Variants in OTUD7A observed in about 807,000 individuals in gnomAD.
OTUD7A encodes OTU domain-containing protein 7A.
OTUD7A carries 12 observed loss-of-function variants against 65.7 expected under a neutral mutation model. The ratio of observed to expected loss-of-function variants is 0.18; its 90% confidence interval spans 0.12 to 0.30. The LOEUF (loss-of-function observed/expected upper bound fraction) is 0.30, where lower values mean the gene tolerates loss of function less well. Ranked by LOEUF, OTUD7A falls within the 10% of genes least tolerant of loss-of-function variation. The probability of loss-of-function intolerance (pLI) is 1.00; values close to 1 mark genes in which losing one functional copy is unlikely to be tolerated. For missense variants in OTUD7A, 1,148 were observed against 1,304.8 expected, an observed-to-expected ratio of 0.88 and a Z score of 1.85; for synonymous variants, 641 against 586.3, an observed-to-expected ratio of 1.09 and a Z score of -1.35.
intron 3 of OTUD7A, among the ~76,000 whole-genome samples, chr15:31,585,385 AACAG>A (rs897162238): frequency 1.3e-4 from 20 of 152,230 alleles, no homozygotes; most frequent in African/African-American, 4.6e-4. Context: ...TGCGAGCAGA[AACAG>A]ACAGCTTCTG....
At chr15:31,529,910 G>A (rs572963852) in intron 6 of OTUD7A, among the ~76,000 whole-genome samples, 2 of 152,276 alleles carry the variant, frequency 1.3e-5, no homozygotes, top group African/African-American at 4.8e-5. Context: ...AGAACCAACC[G>A]GCCCTGATGG....
Position 31,487,221 on chromosome 15 carries a change from C to T in OTUD7A, c.1344G>A (p.Thr448=), listed in dbSNP as rs950157655. The change falls in exon 12 of 13, where the codon ACG becomes ACA. Residue 448 remains threonine, a synonymous_variant. Coordinates refer to ENST00000307050, the MANE Select transcript of OTUD7A (RefSeq NM_001382637.1). This position sits in a 1 kb window ranked among gnomAD's most constrained non-coding sequence, Gnocchi z 6.0. Reference sequence around the variant, plus strand: ...GTGTCTCGGAGGGGATCCGGATCCACGTCACGTTCATGTAGCTGTGCAGAA... The same window carrying T: ...GTGTCTCGGAGGGGATCCGGATCCATGTCACGTTCATGTAGCTGTGCAGAA... The part of the protein sequence containing the change: ...LNLLHSYMNV[T]WIRIPSETRA... The T allele has an allele frequency of 1.2e-5, 19 of 1,613,854 alleles. No homozygotes were observed. Among genetic ancestry groups the T allele is most frequent in the African/African-American group, 9.3e-5 (7 of 74,880 alleles).
intron 5 of OTUD7A, among the ~76,000 whole-genome samples, chr15:31,552,645 C>T (rs758247784): frequency 6.6e-6 from 1 of 152,252 alleles, no homozygotes; most frequent in Non-Finnish European, 1.5e-5. Context: ...AGGAACCACA[C>T]TGTGACCACT....
At chr15:31,560,859 G>A (rs576595286) in intron 4 of OTUD7A, among the ~76,000 whole-genome samples, 37 of 152,258 alleles carry the variant, frequency 2.4e-4, no homozygotes, top group South Asian at 4.1e-4. Context: ...ACGGTCACAC[G>A]GAAAACCCAG....
chr15:31,519,943 A>G (rs901193473), intron 8 of OTUD7A, among the ~76,000 whole-genome samples: 1 of 152,232 alleles, frequency 6.6e-6, no homozygotes, highest in African/African-American at 2.4e-5. Flanking sequence ...CAGGGATGTG[A>G]AAGATCTCTA....
intron 3 of OTUD7A, among the ~76,000 whole-genome samples, chr15:31,575,354 C>T (rs1889172612): frequency 6.6e-6 from 1 of 152,026 alleles, no homozygotes; most frequent in Admixed American, 6.5e-5. Context: ...ATCCAAAGTA[C>T]ATATGAAAAC....
chr15:31,485,847 C>G (rs1294867335), intron 12 of OTUD7A, among the ~76,000 whole-genome samples: 1 of 152,330 alleles, frequency 6.6e-6, no homozygotes, highest in East Asian at 1.9e-4. Flanking sequence ...GTCGGTGACT[C>G]TCCTGTGACC....
chr15:31,861,933 TG>T (rs1392947605), intron 1 of OTUD7A, among the ~76,000 whole-genome samples: 4 of 152,272 alleles, frequency 2.6e-5, no homozygotes, highest in African/African-American at 7.2e-5. Context: ...TCAACACCAA[TG>T]GCAAGAGATG....
intron 1 of OTUD7A, among the ~76,000 whole-genome samples, chr15:31,853,127 T>C (rs1314515793): frequency 1.3e-5 from 2 of 152,212 alleles, no homozygotes; most frequent in Non-Finnish European, 2.9e-5. Flanking sequence ...TTGTGAAGAA[T>C]TGTTCTGGAG....
At chr15:31,815,731 C>A (rs1476838161) in intron 1 of OTUD7A, among the ~76,000 whole-genome samples, 2 of 152,222 alleles carry the variant, frequency 1.3e-5, no homozygotes, top group Non-Finnish European at 2.9e-5. Flanking sequence ...TCTTCCTACC[C>A]AAAGCATAGC....
chr15:31,517,715 A>G (rs2041878346), intron 8 of OTUD7A, among the ~76,000 whole-genome samples: 1 of 152,082 alleles, frequency 6.6e-6, no homozygotes, highest in African/African-American at 2.4e-5. Context: ...ACCCAATGAA[A>G]ACACCCTGAG....
chr15:31,749,605 A>G (rs967618545), intron 1 of OTUD7A, among the ~76,000 whole-genome samples: 1 of 152,226 alleles, frequency 6.6e-6, no homozygotes, highest in Non-Finnish European at 1.5e-5. Flanking sequence ...CATCACACTG[A>G]ATGGGCAAAA....
chr15:31,576,189 AG>A (rs545050393), intron 3 of OTUD7A, among the ~76,000 whole-genome samples: 66 of 152,176 alleles, frequency 4.3e-4, no homozygotes, highest in Non-Finnish European at 5.1e-4. Flanking sequence ...ATCTTTCTTT[AG>A]GGACTCAGAG....
chr15:31,818,264 C>A (rs987972803), intron 1 of OTUD7A, among the ~76,000 whole-genome samples: 1 of 152,170 alleles, frequency 6.6e-6, no homozygotes, highest in Admixed American at 6.5e-5. Flanking sequence ...ATGCTAGCAA[C>A]AGCCTTGATG....
Position 31,671,155 on chromosome 15 carries a change from G to A in OTUD7A, c.-99-14078C>T, listed in dbSNP as rs369201936. On this transcript the variant is annotated intron_variant, in intron 1 of 12. Coordinates refer to ENST00000307050, the MANE Select transcript of OTUD7A (RefSeq NM_001382637.1). Reference sequence around the variant, plus strand: ...CCATGAAATCTTTGCCCATGCCTACGTCCTAGATGGCATTGCCTAGATTTT... The same window carrying A: ...CCATGAAATCTTTGCCCATGCCTACATCCTAGATGGCATTGCCTAGATTTT... 3.7e-4 allele frequency among the ~76,000 whole-genome samples: 57 copies of A among 152,264 alleles called. No individual in the cohort carries two copies. The South Asian group carries it at 9.7e-3, about 26-fold the overall frequency.
At chr15:31,622,734 T>C (rs1259170714) in intron 3 of OTUD7A, among the ~76,000 whole-genome samples, 2 of 152,174 alleles carry the variant, frequency 1.3e-5, no homozygotes, top group Non-Finnish European at 2.9e-5. Context: ...TCAGAAAAGT[T>C]TGATCGTCTG....
chr15:31,581,855 G>A (rs1436976680), intron 3 of OTUD7A, among the ~76,000 whole-genome samples: 4 of 152,274 alleles, frequency 2.6e-5, no homozygotes, highest in Admixed American at 6.5e-5. Flanking sequence ...CATTACTTAC[G>A]GAAATTTCTG....
intron 4 of OTUD7A, among the ~76,000 whole-genome samples, chr15:31,562,606 A>C (rs1373231333): frequency 6.6e-6 from 1 of 152,098 alleles, no homozygotes; most frequent in East Asian, 1.9e-4. Flanking sequence ...AAAAAAAAAA[A>C]ACAACTTCCA....
intron 1 of OTUD7A, among the ~76,000 whole-genome samples, chr15:31,663,654 T>C (rs1892236016): frequency 1.3e-5 from 2 of 152,290 alleles, no homozygotes; most frequent in South Asian, 4.2e-4. Flanking sequence ...ATGATGTATA[T>C]GTACCACATT....
Sources: allele counts gnomAD v4.1 joint callset (sites outside exome capture counted in the v4.1 genomes callset), GRCh38; gene constraint gnomAD v4.1.1; non-coding constraint Gnocchi (gnomAD v3.1); transcripts MANE v1.5; gene names NCBI Gene and HGNC (gene_info 2026-07-23, HGNC 2026-07-21).